MBD5: variants seen among roughly 807,000 people sequenced by gnomAD.
MBD5 encodes the protein methyl-CpG-binding domain protein 5.
In MBD5, 13 loss-of-function variants were observed where a neutral mutation model predicts 117.3. The observed-to-expected ratio is 0.11, with a 90% CI of 0.07 to 0.18. MBD5 has a LOEUF of 0.18. MBD5 is among the 10% of genes least tolerant of loss of function. MBD5 has a pLI of 1.00. For synonymous variants in MBD5, 727 were observed against 766.4 expected, an observed-to-expected ratio of 0.95 and a Z score of 0.85; for missense variants, 1,879 against 2,093.8, an observed-to-expected ratio of 0.90 and a Z score of 2.00.
At chr2:148,025,555 A>G (rs1201363570) in intron 1 of MBD5, 1 of 151,058 alleles carries the variant, frequency 6.6e-6, no homozygotes, top group Admixed American at 6.6e-5. Flanking sequence ...TTCCAAAAAA[A>G]AAAAAACACC....
Position 148,510,148 on chromosome 2 carries a change from A to G in MBD5, c.5112+13A>G. On this transcript the variant is annotated intron_variant, in intron 13 of 13. Coordinates refer to ENST00000642680, the MANE Select transcript of MBD5 (RefSeq NM_001378120.1). ...AATGTCTGGGACTGTAAGTTAATTTATTTTTCCATTATACTACGTTTCTTT... is the reference window on the plus strand; with the variant it reads ...AATGTCTGGGACTGTAAGTTAATTTGTTTTTCCATTATACTACGTTTCTTT... 1 of 1,574,976 alleles carries G rather than the reference A, an allele frequency of 6.3e-7. No homozygotes were observed. The highest frequency in any genetic ancestry group is 2.2e-5 in the East Asian group (1 of 44,630).
chr2:148,095,899 G>C (rs1473604182), intron 1 of MBD5, among the ~76,000 whole-genome samples: 1 of 151,850 alleles, frequency 6.6e-6, no homozygotes. Context: ...GGAAATTGAG[G>C]TACAATTTTC....
At chr2:148,112,746 A>G (rs931841253) in intron 1 of MBD5, among the ~76,000 whole-genome samples, 1 of 152,010 alleles carries the variant, frequency 6.6e-6, no homozygotes, top group African/African-American at 2.4e-5. Flanking sequence ...TTGGTCTACT[A>G]TGGTGCTGAA....
intron 4 of MBD5, among the ~76,000 whole-genome samples, chr2:148,423,356 C>T (rs1406213831): frequency 6.6e-6 from 1 of 151,826 alleles, no homozygotes; most frequent in Non-Finnish European, 1.5e-5. Flanking sequence ...CACATGAATT[C>T]TTTACATTTC....
rs182030752 is a variant in MBD5 at position 148,460,068 on chromosome 2, G to C, written c.113+1197G>C. On this transcript the variant is annotated intron_variant, in intron 5 of 13. Transcript: ENST00000642680. ...GTTAACAAAGTACCAGAAATACTTT[G>C]TTATAAATATAATATAGCAAGTTAT... 5.6e-3 allele frequency among the ~76,000 whole-genome samples: 851 copies of C among 152,210 alleles called. 12 individuals are homozygous for C. The highest frequency in any genetic ancestry group is 3.9e-3 in the Non-Finnish European group (264 of 68,006).
At chr2:148,411,654 T>A (rs1225568957) in intron 4 of MBD5, among the ~76,000 whole-genome samples, 1 of 151,972 alleles carries the variant, frequency 6.6e-6, no homozygotes, top group Non-Finnish European at 1.5e-5. Context: ...AAGTCTTCTT[T>A]TGCAAAATGT....
chr2:148,311,801 C>T (rs750205684), intron 3 of MBD5, among the ~76,000 whole-genome samples: 124 of 152,088 alleles, frequency 8.2e-4, no homozygotes, highest in Non-Finnish European at 1.2e-3. Flanking sequence ...TTTTCCTTTC[C>T]GTATTTAGTG....
At chr2:148,382,757 CT>C (rs1318209909) in intron 4 of MBD5, among the ~76,000 whole-genome samples, 27 of 152,322 alleles carry the variant, frequency 1.8e-4, no homozygotes, top group African/African-American at 6.3e-4. Context: ...CAAACTGTCT[CT>C]CAAACCACAG....
rs1553463990 is a variant in MBD5 at position 148,021,481 on chromosome 2, TTGCTGCTGCTGCTGCTACTGC to T, written c.-1117_-1097del. 8.7e-6 allele frequency: 5 copies of T among 573,408 alleles called. No homozygotes were observed. Among genetic ancestry groups the T allele is most frequent in the South Asian group, 3.0e-5 (2 of 66,162 alleles). The allele number at this position is 573,408 out of a possible 1,614,324, so 35.5% of individuals were successfully genotyped here. A position where few individuals can be genotyped will look rare whatever the true frequency, so the allele number is the denominator to read the frequency against. Reference sequence around the variant, plus strand: ...GCTGCTGTTGCTGCTGCTGCTGCTGTTGCTGCTGCTGCTGCTACTGCTGCTGCTGCTACTGCTGCTGCTTGG... The same window carrying T: ...GCTGCTGTTGCTGCTGCTGCTGCTGTTGCTGCTGCTACTGCTGCTGCTTGG... On this transcript the variant is annotated 5_prime_UTR_variant, in exon 1 of 14. Transcript: ENST00000642680.
At chr2:148,130,526 T>G (rs1233057468) in intron 1 of MBD5, among the ~76,000 whole-genome samples, 1 of 149,740 alleles carries the variant, frequency 6.7e-6, no homozygotes, top group African/African-American at 2.5e-5. Flanking sequence ...TTGTATTGGA[T>G]GGTCTAACAA....
intron 12 of MBD5, among the ~76,000 whole-genome samples, chr2:148,508,283 TA>T: frequency 6.6e-6 from 1 of 151,990 alleles, no homozygotes; most frequent in African/African-American, 2.4e-5. Flanking sequence ...ACATACATAA[TA>T]AAAAAACTTC....
At chr2:148,345,332 TATATACACATATACATATACAC>T (rs1559032861) in intron 4 of MBD5, among the ~76,000 whole-genome samples, 13 of 147,310 alleles carry the variant, frequency 8.8e-5, no homozygotes, top group Admixed American at 4.1e-4. Flanking sequence ...TATATATATG[TATATACACATATACATATACAC>T]ATATACACAT....
intron 3 of MBD5, among the ~76,000 whole-genome samples, chr2:148,302,239 G>A (rs1701790248): frequency 6.6e-6 from 1 of 152,154 alleles, no homozygotes; most frequent in Non-Finnish European, 1.5e-5. Context: ...GAAAATACTG[G>A]TGATTTTAGT....
chr2:148,465,927 G>C (rs796791580), intron 7 of MBD5, among the ~76,000 whole-genome samples: 12 of 152,112 alleles, frequency 7.9e-5, no homozygotes, highest in African/African-American at 2.9e-4. Context: ...CCTTTCTAAA[G>C]ACCCTGGCAG....
At chr2:148,154,794 G>A (rs2382225) in intron 1 of MBD5, among the ~76,000 whole-genome samples, 48,736 of 151,794 alleles carry the variant, frequency 0.32, 8,635 homozygotes, top group East Asian at 0.46. Flanking sequence ...TTCGGCTCGC[G>A]CACGGTGCAC....
At chr2:148,087,661 A>C (rs1466831645) in intron 1 of MBD5, among the ~76,000 whole-genome samples, 1 of 152,182 alleles carries the variant, frequency 6.6e-6, no homozygotes, top group East Asian at 1.9e-4. Flanking sequence ...TTCCTAGGAC[A>C]AAAGGGAGTG....
chr2:148,119,996 A>T (rs1296895623), intron 1 of MBD5, among the ~76,000 whole-genome samples: 1 of 151,864 alleles, frequency 6.6e-6, no homozygotes, highest in Non-Finnish European at 1.5e-5. Flanking sequence ...AGCTCACTGC[A>T]GCCTCAATGT....
At chr2:148,023,227 A>G (rs1302009749) in intron 1 of MBD5, among the ~76,000 whole-genome samples, 5 of 152,274 alleles carry the variant, frequency 3.3e-5, no homozygotes, top group African/African-American at 1.2e-4. Context: ...AAAGGATTGA[A>G]GAAATATAAA....
chr2:148,317,691 G>C (rs1702186255), intron 3 of MBD5, among the ~76,000 whole-genome samples: 1 of 150,852 alleles, frequency 6.6e-6, no homozygotes, highest in African/African-American at 2.4e-5. Context: ...GTCCTCGCTT[G>C]TGTGAAAACA....
Sources: allele counts gnomAD v4.1 joint callset (sites outside exome capture counted in the v4.1 genomes callset), GRCh38; gene constraint gnomAD v4.1.1; transcripts MANE v1.5; gene names NCBI Gene and HGNC (gene_info 2026-07-23, HGNC 2026-07-21).